The following POLD2 variants were observed in gnomAD, a reference collection of about 807,000 sequenced individuals.
POLD2 encodes DNA polymerase delta 2, accessory subunit, also known as DNA polymerase delta subunit 2.
In POLD2, 31 loss-of-function variants were observed where a neutral mutation model predicts 48.8. The ratio of observed to expected loss-of-function variants is 0.64; its 90% confidence interval spans 0.48 to 0.86. The LOEUF (loss-of-function observed/expected upper bound fraction) is 0.86, where lower values mean the gene tolerates loss of function less well. Ranked by LOEUF, POLD2 falls within the 40% of genes least tolerant of loss-of-function variation. The probability of loss-of-function intolerance (pLI) is 0.00; values close to 1 mark genes in which losing one functional copy is unlikely to be tolerated. For missense variants in POLD2, 455 were observed against 610.1 expected, an observed-to-expected ratio of 0.75 and a Z score of 2.68; for synonymous variants, 233 against 256.3, an observed-to-expected ratio of 0.91 and a Z score of 0.87.
At position 44,121,017 on chromosome 7, in the gene POLD2, G is replaced by A. The variant is rs538072247; in HGVS notation, c.220+817C>T. Among the ~76,000 whole-genome samples, 3 of 152,204 alleles carry A rather than the reference G, an allele frequency of 2.0e-5. No homozygotes were observed. The East Asian group carries it at 5.8e-4, about 29-fold the overall frequency. On this transcript the variant is annotated intron_variant, in intron 2 of 10. Transcript: ENST00000610533. This position sits in a 1 kb window ranked among gnomAD's most constrained non-coding sequence, Gnocchi z 4.5. ...GATGGGCTTCTCAAAGCTCCCCAGG[G>A]GATTCCAATGTGCAACTAGGGCTGA...
chr7:44,115,480 C>T (rs1461943969), intron 9 of POLD2, 84 bp from the exon 10 acceptor site: 3 of 917,868 alleles, frequency 3.3e-6, no homozygotes, highest in Non-Finnish European at 5.4e-6. Flanking sequence ...GCCCCTCCTC[C>T]CATTGCAGGC....
In POLD2 at chr7:44,121,687, T is replaced by C; in HGVS notation, c.220+147A>G. 1.3e-6 allele frequency: 1 copy of C among 797,654 alleles called. No homozygotes were observed. The highest frequency in any genetic ancestry group is 1.9e-5 in the South Asian group (1 of 53,890). 49.4% of individuals were successfully genotyped at this position (797,654 alleles called of 1,614,324 possible). A position where few individuals can be genotyped will look rare whatever the true frequency, so the allele number is the denominator to read the frequency against. On this transcript the variant is annotated intron_variant, in intron 2 of 10. Transcript: ENST00000610533. This position sits in a 1 kb window ranked among gnomAD's most constrained non-coding sequence, Gnocchi z 4.5. ...ACTTAATTTAATCCTTGTTACTATC[T>C]TAAGAAGAAACTGAGGGAAAAAGAG...
rs2096238191 is a variant in POLD2, at chr7:44,115,846, C to T, written c.1067G>A (p.Ser356Asn). The part of the protein sequence containing the change: ...GQNVSDIFRY[S>N]SMEDHLEILE... ...GATCTCCAAGTGATCCTCCATGCTG[C>T]TGTATCGGAAAATGTCACTCACGTT... The change falls in exon 9 of 11, where the codon AGC becomes AAC. Residue 356 changes from serine (S) to asparagine (N), a missense_variant. This residue lies in a region of POLD2 where 8 missense variants were observed against 34.1 expected (regional missense o/e 0.23). Transcript: ENST00000610533. 6.2e-7 allele frequency: 1 copy of T among 1,614,094 alleles called. No individual in the cohort carries two copies.
chr7:44,123,447 A>G, intron 1 of POLD2, 64 bp downstream of exon 1: 8 of 1,492,198 alleles, frequency 5.4e-6, no homozygotes, highest in Non-Finnish European at 7.1e-6. Flanking sequence ...CCGACCCAGG[A>G]GCCCGGCCTC....
intron 3 of POLD2, 80 bp from the exon 4 acceptor site, chr7:44,117,822 C>T (rs1419841581): frequency 2.3e-5 from 37 of 1,601,486 alleles, no homozygotes; most frequent in Non-Finnish European, 2.2e-5. Context: ...GCACCGCAGC[C>T]CCCACCCCTC....
At chr7:44,123,181 G>GA (rs2096250465) in intron 1 of POLD2, 1 of 1,178,356 alleles carries the variant, frequency 8.5e-7, no homozygotes, top group Non-Finnish European at 1.1e-6. Flanking sequence ...ACACCTACTA[G>GA]AAAGTTAAAA....
chr7:44,122,594 A>C (rs2096249764), intron 1 of POLD2: 1 of 354,480 alleles, frequency 2.8e-6, no homozygotes, highest in Non-Finnish European at 4.0e-6. Flanking sequence ...AAAACTCTCC[A>C]AAGTGTCCTC....
chr7:44,116,978 C>T lies in POLD2; in HGVS notation c.619G>A (p.Gly207Ser), dbSNP rs753623385. ...LLVSGLGLGG[G>S]GGESLLGTQL... Reference sequence around the variant, plus strand: ...GTGCCCAGCAGGCTCTCGCCTCCACCGCCACCCAGGCCCAGGCCGGACACC... The same window carrying T: ...GTGCCCAGCAGGCTCTCGCCTCCACTGCCACCCAGGCCCAGGCCGGACACC... The change falls in exon 6 of 11, where the codon GGT becomes AGT. Residue 207 changes from glycine (G) to serine (S), a missense_variant. By Grantham distance (56) the Gly-to-Ser change is moderately conservative. This residue lies in a region of POLD2 where 349 missense variants were observed against 437.4 expected (regional missense o/e 0.80). Transcript: ENST00000610533. This position sits in a 1 kb window ranked among gnomAD's most constrained non-coding sequence, Gnocchi z 6.1. The T allele has an allele frequency of 4.8e-5, 78 of 1,613,304 alleles. No individual in the cohort carries two copies. The highest frequency in any genetic ancestry group is 6.3e-5 in the Non-Finnish European group (74 of 1,179,924).
At chr7:44,115,603 T>C in intron 9 of POLD2, 163 bp downstream of exon 9, 1 of 847,344 alleles carries the variant, frequency 1.2e-6, no homozygotes, top group Non-Finnish European at 1.8e-6. Context: ...AGAATTAAGA[T>C]TCCAGAGTAG....
Position 44,117,207 on chromosome 7 carries a change from C to G in POLD2, c.507G>C (p.Gly169=). The G allele has an allele frequency of 6.2e-7, 1 of 1,614,072 alleles. No individual in the cohort carries two copies. The highest frequency in any genetic ancestry group is 8.5e-7 in the Non-Finnish European group (1 of 1,179,978). ...AGCAATAGTCCTCCACCAGAAACTTCCCGTCGTCTCTCACGGAGCCAAACA... is the reference window on the plus strand; with the variant it reads ...AGCAATAGTCCTCCACCAGAAACTTGCCGTCGTCTCTCACGGAGCCAAACA... ...LAVFGSVRDD[G]KFLVEDYCFA... is the part of the protein sequence containing the mutation. The change falls in exon 5 of 11, where the codon GGG becomes GGC. Residue 169 remains glycine, a synonymous_variant. Coordinates refer to ENST00000610533, the MANE Select transcript of POLD2 (RefSeq NM_006230.4).
chr7:44,117,521 C>T, intron 4 of POLD2, 98 bp downstream of exon 4: 1 of 1,451,384 alleles, frequency 6.9e-7, no homozygotes, highest in Non-Finnish European at 9.4e-7. Context: ...AGGCCACACC[C>T]CCCCACTCCC....
intron 2 of POLD2, among the ~76,000 whole-genome samples, chr7:44,119,555 C>T (rs988011380): frequency 5.9e-5 from 9 of 152,220 alleles, no homozygotes; most frequent in Non-Finnish European, 1.0e-4. Flanking sequence ...GTACATGTAA[C>T]TCAGCCAACG....
At chr7:44,117,873 C>T in intron 3 of POLD2, 70 bp downstream of exon 3, 1 of 1,599,294 alleles carries the variant, frequency 6.3e-7, no homozygotes, top group Non-Finnish European at 8.5e-7. Context: ...CACAACCCCA[C>T]CTCCAGGGAG....
Position 44,116,599 on chromosome 7 carries a change from T to C in POLD2, c.781-89A>G. The C allele has an allele frequency of 8.6e-7, 1 of 1,157,230 alleles. No individual in the cohort carries two copies. The highest frequency in any genetic ancestry group is 1.3e-6 in the Non-Finnish European group (1 of 794,328). 71.7% of individuals were successfully genotyped at this position (1,157,230 alleles called of 1,614,324 possible). On this transcript the variant is annotated intron_variant, in intron 6 of 10. Transcript: ENST00000610533. This position sits in a 1 kb window ranked among gnomAD's most constrained non-coding sequence, Gnocchi z 6.1. ...CCCCACCAGCTGGAAGATGCAGTTGTTGTCCCATAGACCCTCACTCCCTTC... is the reference window on the plus strand; with the variant it reads ...CCCCACCAGCTGGAAGATGCAGTTGCTGTCCCATAGACCCTCACTCCCTTC...
Position 44,115,379 on chromosome 7 carries a change from T to C in POLD2, c.1165A>G (p.Lys389Glu), listed in dbSNP as rs779918605. 3.1e-6 allele frequency: 5 copies of C among 1,612,754 alleles called. No individual in the cohort carries two copies. The highest frequency in any genetic ancestry group is 1.1e-5 in the South Asian group (1 of 91,064). Residue 389 changes from lysine to glutamate, a missense_variant, in exon 10 of 11, where the codon AAA (lysine) becomes GAA (glutamate). Coordinates refer to ENST00000610533, the MANE Select transcript of POLD2 (RefSeq NM_006230.4). ...TCTGGGAAGATGAACGGGTCAGTTT[T>C]GTAGAAGGGGTAACAACCTGGAGGA... is the stretch of plus-strand genomic sequence containing the variant. ...PDTLGCYPFYKTDPFIFPECP... is the reference protein window; with the variant it reads ...PDTLGCYPFYETDPFIFPECP...
rs751452171 is a variant in POLD2, at chr7:44,117,177, A to G, written c.537T>C (p.Ala179=). 11 of 1,613,988 alleles carry G rather than the reference A, an allele frequency of 6.8e-6. No individual in the cohort carries two copies. The highest frequency in any genetic ancestry group is 9.3e-6 in the Non-Finnish European group (11 of 1,179,988). Residue 179 remains alanine, a synonymous_variant, in exon 5 of 11, where the codon GCT becomes GCC. Coordinates refer to ENST00000610533, the MANE Select transcript of POLD2 (RefSeq NM_006230.4). ...GTGCGGGCTTCTGGGGAGCAAGGTC[A>G]GCAAAGCAATAGTCCTCCACCAGAA... ...GKFLVEDYCF[A]DLAPQKPAPP... is the part of the protein sequence containing the mutation.
intron 2 of POLD2, chr7:44,118,378 C>T (rs1450599987): frequency 1.2e-5 from 3 of 244,436 alleles, no homozygotes; most frequent in Non-Finnish European, 2.4e-5. Flanking sequence ...AGCCCAGGAA[C>T]ACCAGGGAGG....
At chr7:44,117,471 C>T in intron 4 of POLD2, 148 bp downstream of exon 4, 2 of 1,037,456 alleles carry the variant, frequency 1.9e-6, no homozygotes, top group South Asian at 1.6e-5. Context: ...CTCCGACCGC[C>T]TGGAGCCTCA....
chr7:44,116,454 C>T lies in POLD2; in HGVS notation c.837G>A (p.Leu279=), dbSNP rs2096239535. 2 of 1,583,276 alleles carry T rather than the reference C, an allele frequency of 1.3e-6. No homozygotes were observed. The highest frequency in any genetic ancestry group is 1.2e-5 in the South Asian group (1 of 86,836). ...CGCTCAGCTGCAGGAGGATCTCATC[C>T]AGCATCTTAACAGCCTCCACGCTGG... The part of the protein sequence containing the change: ...QAASVEAVKM[L]DEILLQLSAS... The change falls in exon 7 of 11, where the codon CTG becomes CTA. Residue 279 remains leucine (L), a synonymous_variant. Coordinates refer to ENST00000610533, the MANE Select transcript of POLD2 (RefSeq NM_006230.4). The surrounding 1 kb of genome is among the most constrained non-coding windows in gnomAD (Gnocchi z 6.1).
Sources: gnomAD v4.1 joint callset for allele counts (sites outside exome capture counted in the v4.1 genomes callset) on GRCh38, gnomAD v4.1.1 for gene constraint, gnomAD v4.1.1 regional missense constraint, Gnocchi (gnomAD v3.1) non-coding constraint, MANE v1.5 for transcripts, NCBI Gene and HGNC (gene_info 2026-07-23, HGNC 2026-07-21) for gene names.